CRACR2A: variants seen among roughly 807,000 people sequenced by gnomAD.
CRACR2A encodes the protein EF-hand calcium-binding domain-containing protein 4B.
Under a neutral mutation model 90.5 loss-of-function variants are expected in CRACR2A, and 79 were observed. That is an observed-to-expected ratio of 0.87 (90% CI 0.73 to 1.05). CRACR2A has a LOEUF of 1.05. Ranked by LOEUF, CRACR2A falls within the 50% of genes least tolerant of loss-of-function variation. The probability of loss-of-function intolerance (pLI) is 0.00; values close to 1 mark genes in which losing one functional copy is unlikely to be tolerated. For missense variants in CRACR2A, 823 were observed against 897.2 expected (o/e 0.92, Z 1.06); for synonymous variants, 338 against 356.7 (o/e 0.95, Z 0.59).
intron 14 of CRACR2A, among the ~76,000 whole-genome samples, chr12:3,636,771 A>T (rs946569516): frequency 6.6e-6 from 1 of 151,936 alleles, no homozygotes; most frequent in South Asian, 2.1e-4. Flanking sequence ...CCAGCTCTCC[A>T]CTCTCCCCTG....
At chr12:3,655,237 T>C (rs1944878893) in intron 9 of CRACR2A, among the ~76,000 whole-genome samples, 1 of 152,150 alleles carries the variant, frequency 6.6e-6, no homozygotes, top group Admixed American at 6.5e-5. Flanking sequence ...AATCATTCAT[T>C]TGAGGGATAA....
At position 3,721,366 on chromosome 12, in the gene CRACR2A, T is replaced by G. The variant is rs1253220595; in HGVS notation, c.-117-8049A>C. ...CTGGGCAACATAGCAAGACCCCGTC[T>G]CTACAAAAAAAAAAAAGAAAGAAAG... is the stretch of plus-strand genomic sequence containing the variant. On this transcript the variant is annotated intron_variant, in intron 2 of 19. Coordinates refer to ENST00000440314, the MANE Select transcript of CRACR2A (RefSeq NM_001144958.2). 1.1e-4 allele frequency among the ~76,000 whole-genome samples: 10 copies of G among 89,956 alleles called. No individual in the cohort carries two copies. In the Admixed American group the frequency reaches 1.2e-3, roughly 11 times the overall value. 59.0% of individuals were successfully genotyped at this position (89,956 alleles called of 152,430 possible).
At chr12:3,686,501 T>C (rs904542566) in intron 4 of CRACR2A, among the ~76,000 whole-genome samples, 18 of 152,180 alleles carry the variant, frequency 1.2e-4, no homozygotes, top group Admixed American at 6.5e-4. Flanking sequence ...ACAATCCTTT[T>C]ACTCCTCCAA....
intron 3 of CRACR2A, among the ~76,000 whole-genome samples, chr12:3,700,912 T>C (rs1489709390): frequency 1.3e-5 from 2 of 152,206 alleles, no homozygotes; most frequent in African/African-American, 4.8e-5. Context: ...AATATACTTT[T>C]CAAATACACA....
chr12:3,622,901 G>A (rs956723280), intron 17 of CRACR2A, among the ~76,000 whole-genome samples: 6 of 152,052 alleles, frequency 3.9e-5, no homozygotes, highest in South Asian at 2.1e-4. Context: ...AACTTGGAAC[G>A]TGGAGAAAAA....
intron 9 of CRACR2A, among the ~76,000 whole-genome samples, chr12:3,655,007 T>A (rs1471367978): frequency 6.6e-6 from 1 of 152,218 alleles, no homozygotes; most frequent in Non-Finnish European, 1.5e-5. Flanking sequence ...AAACCCTGCA[T>A]TTTTATAGCT....
chr12:3,672,199 G>C (rs1389679569), intron 7 of CRACR2A, among the ~76,000 whole-genome samples: 2 of 152,148 alleles, frequency 1.3e-5, no homozygotes, highest in African/African-American at 4.8e-5. Flanking sequence ...TATTTTTAGA[G>C]TTAAGGTCAG....
At chr12:3,644,481 G>T in intron 12 of CRACR2A, 114 bp downstream of exon 12, 1 of 1,135,776 alleles carries the variant, frequency 8.8e-7, no homozygotes, top group Non-Finnish European at 1.3e-6. Context: ...CCGTCATCCT[G>T]CCAAATAGAT....
chr12:3,733,872 GAC>G (rs56412036), intron 1 of CRACR2A, among the ~76,000 whole-genome samples: 70,436 of 135,490 alleles, frequency 0.52, 18,110 homozygotes, highest in Non-Finnish European at 0.56. Flanking sequence ...AAATTTTCAG[GAC>G]ACACACACAC....
At chr12:3,627,762 C>A in intron 15 of CRACR2A, 56 bp from the exon 16 acceptor site, 1 of 1,480,546 alleles carries the variant, frequency 6.8e-7, no homozygotes, top group Non-Finnish European at 9.2e-7. Flanking sequence ...ACCTCACTTC[C>A]AAATCAGGAA....
At chr12:3,643,898 T>C (rs1204310820) in intron 12 of CRACR2A, among the ~76,000 whole-genome samples, 1 of 114,216 alleles carries the variant, frequency 8.8e-6, no homozygotes, top group Non-Finnish European at 1.7e-5. Context: ...ATATATAATA[T>C]ATATTATATA....
At position 3,650,494 on chromosome 12, in the gene CRACR2A, T is replaced by C. The variant is rs148200274; in HGVS notation, c.1047-1881A>G. Among the ~76,000 whole-genome samples, 505 of 152,300 alleles carry C rather than the reference T, an allele frequency of 3.3e-3. 1 individual carries two copies. Among genetic ancestry groups the C allele is most frequent in the Non-Finnish European group, 6.2e-3 (423 of 68,022 alleles). ...TTAATTTCAACTTGAAGTAAAACAA[T>C]GTATTTCCCATTATCCAAACTGGGT... is the stretch of plus-strand genomic sequence containing the variant. On this transcript the variant is annotated intron_variant, in intron 10 of 19. Transcript: ENST00000440314.
In CRACR2A at chr12:3,732,180, C is replaced by T. The variant is rs530646848; in HGVS notation, c.-118+762G>A. On this transcript the variant is annotated intron_variant, in intron 2 of 19. Transcript: ENST00000440314. ...TGAAGATCCCAGGACCTGGCCCGGT[C>T]AAGTGTATTGTGTCGGAATGCATCA... 12 of 152,260 alleles carry T rather than the reference C, an allele frequency of 7.9e-5. No individual in the cohort carries two copies. The East Asian group carries it at 2.1e-3, about 27-fold the overall frequency. 9.4% of individuals were successfully genotyped at this position (152,260 alleles called of 1,614,324 possible).
At chr12:3,689,779 C>CTTT (rs56350961) in intron 4 of CRACR2A, among the ~76,000 whole-genome samples, 18 of 145,838 alleles carry the variant, frequency 1.2e-4, no homozygotes, top group Middle Eastern at 3.5e-3. Flanking sequence ...ACCAGCTTTT[C>CTTT]TTTTTTTTTT....
chr12:3,708,236 C>T (rs1368133203), intron 3 of CRACR2A, among the ~76,000 whole-genome samples: 2 of 152,106 alleles, frequency 1.3e-5, no homozygotes, highest in Non-Finnish European at 2.9e-5. Context: ...GACTGACAGG[C>T]GTGGAATTAT....
chr12:3,639,457 A>AACACACACACACACACACACACAC (rs9300301), intron 13 of CRACR2A, among the ~76,000 whole-genome samples: 13,134 of 139,350 alleles, frequency 0.094, 914 homozygotes, highest in East Asian at 0.26. Flanking sequence ...CCAGAATTGA[A>AACACACACACACACACACACACAC]ACACACACAC....
intron 4 of CRACR2A, among the ~76,000 whole-genome samples, chr12:3,683,157 T>A (rs1258241015): frequency 6.6e-6 from 1 of 152,204 alleles, no homozygotes; most frequent in Non-Finnish European, 1.5e-5. Flanking sequence ...GCAATAGGCC[T>A]GTGAGGCTCT....
intron 3 of CRACR2A, among the ~76,000 whole-genome samples, chr12:3,709,731 T>C (rs1565497500): frequency 6.6e-6 from 1 of 152,224 alleles, no homozygotes; most frequent in Non-Finnish European, 1.5e-5. Context: ...GAGCCAAGAC[T>C]GTGCCACTGC....
intron 4 of CRACR2A, among the ~76,000 whole-genome samples, chr12:3,689,757 G>A (rs545992554): frequency 2.0e-5 from 3 of 147,744 alleles, no homozygotes; most frequent in African/African-American, 2.5e-5. Flanking sequence ...TAATAGTTTC[G>A]GTAGGAATGG....
Sources: allele counts gnomAD v4.1 joint callset (sites outside exome capture counted in the v4.1 genomes callset), GRCh38; gene constraint gnomAD v4.1.1; transcripts MANE v1.5; gene names NCBI Gene and HGNC (gene_info 2026-07-23, HGNC 2026-07-21).